The following TREX1 variants were observed in gnomAD, a reference collection of about 807,000 sequenced individuals.
The protein encoded by TREX1 is three-prime repair exonuclease 1.
In TREX1, 11 loss-of-function variants were observed where a neutral mutation model predicts 13.7. The ratio of observed to expected loss-of-function variants is 0.80; its 90% CI spans 0.51 to 1.33. The LOEUF is 1.33. TREX1 is among the 40% of genes most tolerant of loss of function. The probability of loss-of-function intolerance (pLI) is 0.00; values close to 1 mark genes in which losing one functional copy is unlikely to be tolerated. For synonymous variants in TREX1, 178 were observed against 178.8 expected, an observed-to-expected ratio of 1.00 and a Z score of 0.03; for missense variants, 409 against 404.4, an observed-to-expected ratio of 1.01 and a Z score of -0.10.
chr3:48,465,899 A>T (rs1176343918), upstream of TREX1: 3 of 309,662 alleles, frequency 9.7e-6, no homozygotes, highest in Non-Finnish European at 1.3e-5. Context: ...CTCTTGGCCC[A>T]GGCCTAAACC....
chr3:48,466,507 G>A (rs376959068), intron 1 of TREX1, 123 bp from the exon 2 acceptor site: 31 of 1,613,862 alleles, frequency 1.9e-5, no homozygotes, highest in Admixed American at 1.8e-4. Flanking sequence ...CCTGGAGCTC[G>A]CAGACAGGGC....
chr3:48,466,985 C>A lies in TREX1; in HGVS notation c.330C>A (p.Ala110=). ...ACAACCTGGCCAACCTGCTCCTAGC[C>A]TTCCTGCGGCGCCAGCCACAGCCCT... ...FDDNLANLLL[A]FLRRQPQPWC... Residue 110 remains alanine (A), a synonymous_variant, in exon 2 of 2, where the codon GCC becomes GCA. Transcript: ENST00000625293. 1.2e-6 allele frequency: 2 copies of A among 1,613,302 alleles called. No individual in the cohort carries two copies. Among genetic ancestry groups the A allele is most frequent in the Non-Finnish European group, 1.7e-6 (2 of 1,180,040 alleles).
intron 1 of TREX1, 128 bp from the exon 2 acceptor site, chr3:48,466,502 A>G: frequency 6.2e-7 from 1 of 1,613,890 alleles, no homozygotes; most frequent in Non-Finnish European, 8.5e-7. Context: ...TGGGCCCTGG[A>G]GCTCGCAGAC....
At position 48,466,247 on chromosome 3, in the gene TREX1, C is replaced by A; in HGVS notation, c.-89C>A. ...CAAGTTTCACTTCCCGCCACTGCTGCCAGCGAGAGCCGCGGGAGAGTGTGC... is the reference window on the plus strand; with the variant it reads ...CAAGTTTCACTTCCCGCCACTGCTGACAGCGAGAGCCGCGGGAGAGTGTGC... On this transcript the variant is annotated 5_prime_UTR_variant, in exon 1 of 2. Coordinates refer to ENST00000625293, the MANE Select transcript of TREX1 (RefSeq NM_033629.6). 1.6e-6 allele frequency: 1 copy of A among 606,636 alleles called. No homozygotes were observed. Among genetic ancestry groups the A allele is most frequent in the Non-Finnish European group, 2.9e-6 (1 of 340,444 alleles). 37.6% of individuals were successfully genotyped at this position (606,636 alleles called of 1,614,324 possible). A position where few individuals can be genotyped will look rare whatever the true frequency, so the allele number is the denominator to read the frequency against.
In TREX1 at chr3:48,466,632, T is replaced by G; in HGVS notation, c.-24T>G. 2 of 1,613,042 alleles carry G rather than the reference T, an allele frequency of 1.2e-6. No homozygotes were observed. Among genetic ancestry groups the G allele is most frequent in the East Asian group, 2.2e-5 (1 of 44,804 alleles). The stretch of plus-strand genomic sequence containing the variant: ...ACCCACCCCATGCTCCTCTCCAGGC[T>G]CAGCAGCAGGTACGTACCCAACCAT... On this transcript the variant is annotated splice_region_variant and 5_prime_UTR_variant, in exon 2 of 2. Coordinates refer to ENST00000625293, the MANE Select transcript of TREX1 (RefSeq NM_033629.6).
In TREX1 at chr3:48,467,513, G is replaced by T; in HGVS notation, c.858G>T (p.Gly286=). 1 of 1,614,044 alleles carries T rather than the reference G, an allele frequency of 6.2e-7. No homozygotes were observed. Among genetic ancestry groups the T allele is most frequent in the Non-Finnish European group, 8.5e-7 (1 of 1,180,006 alleles). Residue 286 remains glycine, a synonymous_variant, in exon 2 of 2, where the codon GGG becomes GGT. Coordinates refer to ENST00000625293, the MANE Select transcript of TREX1 (RefSeq NM_033629.6). ...VKDPGALSRE[G]LLAPLGLLAI... ...ACCCTGGAGCCCTATCCAGGGAGGG[G>T]CTGCTGGCCCCACTGGGTCTGCTGG...
rs2040288671 is a variant in TREX1 at position 48,466,260 on chromosome 3, C to T, written c.-76C>T. 1.3e-5 allele frequency: 8 copies of T among 617,116 alleles called. No individual in the cohort carries two copies. Among genetic ancestry groups the T allele is most frequent in the East Asian group, 5.6e-5 (2 of 35,942 alleles). 38.2% of individuals were successfully genotyped at this position (617,116 alleles called of 1,614,324 possible). A position where few individuals can be genotyped will look rare whatever the true frequency, so the allele number is the denominator to read the frequency against. On this transcript the variant is annotated 5_prime_UTR_variant, in exon 1 of 2. Coordinates refer to ENST00000625293, the MANE Select transcript of TREX1 (RefSeq NM_033629.6). ...CCGCCACTGCTGCCAGCGAGAGCCG[C>T]GGGAGAGTGTGCAGCCGAGTCACTA...
Position 48,466,854 on chromosome 3 carries a change from C to T in TREX1, c.199C>T (p.Leu67Phe). Residue 67 changes from leucine to phenylalanine, a missense_variant, in exon 2 of 2, where the codon CTC (leucine) becomes TTC (phenylalanine). Leu to Phe is a conservative substitution (Grantham distance 22). Coordinates refer to ENST00000625293, the MANE Select transcript of TREX1 (RefSeq NM_033629.6). Reference sequence around the variant, plus strand: ...TCCACCACCGCGTGTGGTAGACAAGCTCTCCCTGTGTGTGGCTCCGGGGAA... The same window carrying T: ...TCCACCACCGCGTGTGGTAGACAAGTTCTCCCTGTGTGTGGCTCCGGGGAA... ...VPPPPRVVDK[L>F]SLCVAPGKAC... 2 of 1,613,904 alleles carry T rather than the reference C, an allele frequency of 1.2e-6. No individual in the cohort carries two copies. Among genetic ancestry groups the T allele is most frequent in the Non-Finnish European group, 1.7e-6 (2 of 1,180,026 alleles).
intron 1 of TREX1, 109 bp from the exon 2 acceptor site, chr3:48,466,521 A>G (rs756884666): frequency 1.4e-5 from 22 of 1,613,796 alleles, no homozygotes; most frequent in South Asian, 1.1e-5. Flanking sequence ...ACAGGGCAGG[A>G]TTGTGCAGGG....
chr3:48,466,354 A>G, intron 1 of TREX1, 45 bp downstream of exon 1: 2 of 1,215,322 alleles, frequency 1.6e-6, no homozygotes, highest in South Asian at 1.3e-5. Flanking sequence ...CAGGAGGGCC[A>G]TGGGTTCCCC....
rs770518906 is a variant in TREX1, at chr3:48,467,520, GC to G, written c.869del (p.Pro290HisfsTer8). 2 of 1,613,682 alleles carry G rather than the reference GC, an allele frequency of 1.2e-6. No individual in the cohort carries two copies. The highest frequency in any genetic ancestry group is 3.3e-5 in the Admixed American group (2 of 60,022). Reference protein sequence around the residue: ...PGALSREGLLAPLGLLAILTL... With the variant: ...PGALSREGLLXPLGLLAILTL... ...AGCCCTATCCAGGGAGGGGCTGCTG[GC>G]CCCACTGGGTCTGCTGGCCATCCTG... is the stretch of plus-strand genomic sequence containing the variant. On this transcript the variant is annotated frameshift_variant, in exon 2 of 2. Transcript: ENST00000625293. LOFTEE classifies it high-confidence loss of function.
At position 48,466,641 on chromosome 3, in the gene TREX1, G is replaced by A. The variant is rs778945495; in HGVS notation, c.-15G>A. ...ATGCTCCTCTCCAGGCTCAGCAGCA[G>A]GTACGTACCCAACCATGGGCTCGCA... On this transcript the variant is annotated 5_prime_UTR_variant, in exon 2 of 2. Coordinates refer to ENST00000625293, the MANE Select transcript of TREX1 (RefSeq NM_033629.6). 2.5e-6 allele frequency: 4 copies of A among 1,613,892 alleles called. No individual in the cohort carries two copies. In the South Asian group the frequency reaches 4.4e-5, roughly 18 times the overall value.
Position 48,466,736 on chromosome 3 carries a change from C to G in TREX1, c.81C>G (p.Ser27=), listed in dbSNP as rs1308074815. Residue 27 remains serine (S), a synonymous_variant, in exon 2 of 2, where the codon TCC becomes TCG. Transcript: ENST00000625293. ...TGGAGGCCACTGGCTTGCCCTTCTCCCAGCCCAAGGTCACGGAGCTGTGCC... is the reference window on the plus strand; with the variant it reads ...TGGAGGCCACTGGCTTGCCCTTCTCGCAGCCCAAGGTCACGGAGCTGTGCC... The part of the protein sequence containing the change: ...FDMEATGLPF[S]QPKVTELCLL... 1.2e-6 allele frequency: 2 copies of G among 1,614,050 alleles called. No homozygotes were observed. Among genetic ancestry groups the G allele is most frequent in the Admixed American group, 3.3e-5 (2 of 60,022 alleles).
chr3:48,466,097 T>A (rs2040280887), upstream of TREX1: 1 of 385,184 alleles, frequency 2.6e-6, no homozygotes, highest in South Asian at 2.3e-5. Flanking sequence ...TTGGAAGGCC[T>A]CTGGGGTCCC....
At chr3:48,466,540 A>G (rs1290962832) in intron 1 of TREX1, 90 bp from the exon 2 acceptor site, 1 of 1,613,866 alleles carries the variant, frequency 6.2e-7, no homozygotes, top group African/African-American at 1.3e-5. Flanking sequence ...GGAAGGCCTG[A>G]GATGTGCTTC....
At position 48,467,477 on chromosome 3, in the gene TREX1, T is replaced by G; in HGVS notation, c.822T>G (p.Pro274=). ...LGESRGTKDL[P]PVKDPGALSR... ...AGAGCAGGGGTACCAAGGATCTTCC[T>G]CCAGTGAAGGACCCTGGAGCCCTAT... Residue 274 remains proline, a synonymous_variant, in exon 2 of 2, where the codon CCT becomes CCG. Coordinates refer to ENST00000625293, the MANE Select transcript of TREX1 (RefSeq NM_033629.6). 1 of 1,614,098 alleles carries G rather than the reference T, an allele frequency of 6.2e-7. No individual in the cohort carries two copies. The highest frequency in any genetic ancestry group is 8.5e-7 in the Non-Finnish European group (1 of 1,180,016).
At position 48,466,963 on chromosome 3, in the gene TREX1, A is replaced by T. The variant is rs770158462; in HGVS notation, c.308A>T (p.Asn103Ile). Reference protein sequence around the residue: ...AAHGRQCFDDNLANLLLAFLR... With the variant: ...AAHGRQCFDDILANLLLAFLR... ...CATGGGCGTCAATGTTTTGATGACA[A>T]CCTGGCCAACCTGCTCCTAGCCTTC... Residue 103 changes from asparagine to isoleucine, a missense_variant, in exon 2 of 2, where the codon AAC (asparagine) becomes ATC (isoleucine). By Grantham distance (149) the Asn-to-Ile change is moderately radical. Transcript: ENST00000625293. 6 of 1,612,244 alleles carry T rather than the reference A, an allele frequency of 3.7e-6. No individual in the cohort carries two copies. In the Admixed American group the frequency reaches 8.3e-5, roughly 22 times the overall value.
chr3:48,467,024 A>C lies in TREX1; in HGVS notation c.369A>C (p.Ala123=), dbSNP rs1242019591. The change falls in exon 2 of 2, where the codon GCA becomes GCC. Residue 123 remains alanine (A), a synonymous_variant. Transcript: ENST00000625293. The part of the protein sequence containing the change: ...RRQPQPWCLV[A]HNGDRYDFPL... ...AGCCACAGCCCTGGTGCCTGGTGGC[A>C]CACAATGGTGACCGCTACGACTTCC... 1 of 1,613,852 alleles carries C rather than the reference A, an allele frequency of 6.2e-7. No homozygotes were observed. The highest frequency in any genetic ancestry group is 1.3e-5 in the African/African-American group (1 of 74,936).
chr3:48,467,642 C>T lies in TREX1; in HGVS notation c.*42C>T, dbSNP rs750630658. The T allele has an allele frequency of 6.3e-7, 1 of 1,588,004 alleles. No homozygotes were observed. Among genetic ancestry groups the T allele is most frequent in the East Asian group, 2.2e-5 (1 of 44,656 alleles). ...TGACGAATAAAGACCCCCGCTGCCC[C>T]ATAGCACTGAGTGGTCAATTGGCTC... On this transcript the variant is annotated 3_prime_UTR_variant, in exon 2 of 2. Transcript: ENST00000625293.
Sources: allele counts gnomAD v4.1 joint callset, GRCh38; gene constraint gnomAD v4.1.1; transcripts MANE v1.5; gene names NCBI Gene and HGNC (gene_info 2026-07-23, HGNC 2026-07-21).